The following SHANK2 variants were observed in gnomAD, a reference collection of about 807,000 sequenced individuals.
SHANK2 encodes the protein SH3 and multiple ankyrin repeat domains 2.
A neutral mutation model predicts 133.7 loss-of-function variants in SHANK2; 43 were observed. The observed-to-expected ratio is 0.32, with a 90% confidence interval of 0.25 to 0.41. The LOEUF is 0.41. Among genes scored for constraint, SHANK2 ranks in the 10% least tolerant of loss-of-function variants. The pLI is 1.00. For missense variants in SHANK2, 1,994 were observed against 2,235.8 expected, an observed-to-expected ratio of 0.89 and a Z score of 2.18; for synonymous variants, 1,017 against 952.8, an observed-to-expected ratio of 1.07 and a Z score of -1.24.
intron 11 of SHANK2, among the ~76,000 whole-genome samples, chr11:70,874,793 C>A (rs146786491): frequency 4.6e-5 from 7 of 151,770 alleles, no homozygotes; most frequent in African/African-American, 1.7e-4. Flanking sequence ...TGAAGGAACA[C>A]GAGTTCACTT....
chr11:70,500,845 G>A lies in SHANK2; in HGVS notation c.2288-255C>T, dbSNP rs1214293925. Reference sequence around the variant, plus strand: ...ACCTACTGCCTGGCAGTGGAAAGGGGCTTTCCTTCTTCCTCAGCACCCCTT... The same window carrying A: ...ACCTACTGCCTGGCAGTGGAAAGGGACTTTCCTTCTTCCTCAGCACCCCTT... On this transcript the variant is annotated intron_variant, in intron 20 of 25. Transcript: ENST00000601538. The surrounding 1 kb of genome is among the most constrained non-coding windows in gnomAD (Gnocchi z 4.5). 24 of 706,006 alleles carry A rather than the reference G, an allele frequency of 3.4e-5. No individual in the cohort carries two copies. Among genetic ancestry groups the A allele is most frequent in the Admixed American group, 3.2e-4 (16 of 49,392 alleles). 43.7% of individuals were successfully genotyped at this position (706,006 alleles called of 1,614,324 possible). A position where few individuals can be genotyped will look rare whatever the true frequency, so the allele number is the denominator to read the frequency against.
chr11:70,699,637 T>C (rs868978293), intron 14 of SHANK2, among the ~76,000 whole-genome samples: 40 of 152,322 alleles, frequency 2.6e-4, no homozygotes, highest in Admixed American at 1.6e-3. Flanking sequence ...CATTTTTTCT[T>C]CCACTCAAAC....
intron 14 of SHANK2, among the ~76,000 whole-genome samples, chr11:70,764,957 C>T (rs972611507): frequency 8.5e-5 from 13 of 152,194 alleles, no homozygotes; most frequent in Non-Finnish European, 1.0e-4. Context: ...GCCCCTCTCC[C>T]AACAGATTCT....
intron 10 of SHANK2, among the ~76,000 whole-genome samples, chr11:70,946,854 C>T (rs1168296412): frequency 2.0e-5 from 3 of 147,462 alleles, no homozygotes; most frequent in Non-Finnish European, 4.5e-5. Context: ...GGCTCATCCT[C>T]CCTCTCCACT....
At chr11:70,874,506 T>C (rs1475881904) in intron 11 of SHANK2, among the ~76,000 whole-genome samples, 2 of 152,116 alleles carry the variant, frequency 1.3e-5, no homozygotes, top group African/African-American at 2.4e-5. Context: ...TTCCTCTGTA[T>C]GGCAAAATTA....
chr11:70,849,170 A>C (rs1446036785), intron 11 of SHANK2, among the ~76,000 whole-genome samples: 3 of 152,160 alleles, frequency 2.0e-5, no homozygotes, highest in Admixed American at 6.5e-5. Flanking sequence ...ACCCATAGGC[A>C]GGGTGTGAGG....
At chr11:70,933,471 C>T (rs571577420) in intron 10 of SHANK2, among the ~76,000 whole-genome samples, 2 of 152,312 alleles carry the variant, frequency 1.3e-5, no homozygotes, top group South Asian at 4.1e-4. Context: ...CACTTAATGC[C>T]ACTGAAGGGC....
intron 1 of SHANK2, among the ~76,000 whole-genome samples, chr11:71,230,074 G>A (rs1555122769): frequency 6.6e-6 from 1 of 152,144 alleles, no homozygotes; most frequent in East Asian, 1.9e-4. Context: ...GATCACTTGA[G>A]GTTAGGAGCT....
intron 10 of SHANK2, among the ~76,000 whole-genome samples, chr11:70,948,974 G>A (rs1197608098): frequency 6.6e-6 from 1 of 152,024 alleles, no homozygotes; most frequent in Non-Finnish European, 1.5e-5. Context: ...TTTACACTAC[G>A]GCTCATTCTA....
chr11:70,801,064 C>G (rs140338538), intron 13 of SHANK2, among the ~76,000 whole-genome samples: 37 of 152,318 alleles, frequency 2.4e-4, no homozygotes, highest in African/African-American at 8.7e-4. Flanking sequence ...ACAATACTAT[C>G]TAGCTCATAA....
chr11:70,751,061 T>G (rs1413988960), intron 14 of SHANK2, among the ~76,000 whole-genome samples: 1 of 151,744 alleles, frequency 6.6e-6, no homozygotes, highest in Admixed American at 6.6e-5. Context: ...TTACTAGATG[T>G]GTCAAAAGCA....
At chr11:71,224,507 C>T (rs1355105094) in intron 2 of SHANK2, among the ~76,000 whole-genome samples, 190 bp downstream of exon 2, 1 of 152,194 alleles carries the variant, frequency 6.6e-6, no homozygotes, top group Non-Finnish European at 1.5e-5. Context: ...CGCAAGGTCA[C>T]ACAAGCGGGC....
Position 70,706,469 on chromosome 11 carries a change from AGGGGACACAGCCCTGGCT to A in SHANK2, c.1778-7724_1778-7707del, listed in dbSNP as rs1219791033. Among the ~76,000 whole-genome samples, 17 of 152,294 alleles carry A rather than the reference AGGGGACACAGCCCTGGCT, an allele frequency of 1.1e-4. No individual in the cohort carries two copies. The East Asian group carries it at 2.9e-3, about 26-fold the overall frequency. Reference sequence around the variant, plus strand: ...AGCTCCAGCTGGGGATTGCCGAGGCAGGGGACACAGCCCTGGCTGGGGCAGTGGCTGGCTGTGACCTCC... The same window carrying A: ...AGCTCCAGCTGGGGATTGCCGAGGCAGGGGCAGTGGCTGGCTGTGACCTCC... On this transcript the variant is annotated intron_variant, in intron 14 of 25. Transcript: ENST00000601538.
At position 71,091,994 on chromosome 11, in the gene SHANK2, C is replaced by A. The variant is rs549975618; in HGVS notation, c.912+428G>T. On this transcript the variant is annotated intron_variant, in intron 8 of 25. Coordinates refer to ENST00000601538, the MANE Select transcript of SHANK2 (RefSeq NM_012309.5). ...GCAAGGTTGGGCCTGAAAAACACGC[C>A]CCTCGTGCGTGCAAATCAGGACTTC... 2.6e-5 allele frequency among the ~76,000 whole-genome samples: 4 copies of A among 152,316 alleles called. No homozygotes were observed. In the East Asian group the frequency reaches 7.7e-4, roughly 29 times the overall value.
At chr11:70,783,913 G>A (rs540270326) in intron 14 of SHANK2, among the ~76,000 whole-genome samples, 45 of 152,340 alleles carry the variant, frequency 3.0e-4, no homozygotes, top group Non-Finnish European at 5.4e-4. Context: ...GGTCTGACCT[G>A]CAAGGTCATC....
intron 6 of SHANK2, among the ~76,000 whole-genome samples, chr11:71,099,188 G>A (rs1325239903): frequency 2.0e-5 from 3 of 152,134 alleles, no homozygotes; most frequent in African/African-American, 7.2e-5. Flanking sequence ...CCACCAAGAG[G>A]TGCCCAGGGA....
At chr11:70,597,351 CA>C (rs1431731122) in intron 17 of SHANK2, among the ~76,000 whole-genome samples, 1 of 152,154 alleles carries the variant, frequency 6.6e-6, no homozygotes, top group African/African-American at 2.4e-5. Context: ...TTAGTAGACA[CA>C]GGAAACCTGG....
chr11:71,230,462 G>A (rs537989361), intron 1 of SHANK2, among the ~76,000 whole-genome samples: 4 of 152,054 alleles, frequency 2.6e-5, no homozygotes, highest in Admixed American at 6.5e-5. Context: ...CTAGCTACTC[G>A]GGAGGCTGAG....
intron 9 of SHANK2, among the ~76,000 whole-genome samples, chr11:71,067,931 A>G (rs1408090846): frequency 1.3e-5 from 2 of 151,448 alleles, no homozygotes; most frequent in African/African-American, 4.9e-5. Context: ...CAGCATCACC[A>G]CCATCACCAT....
Sources: gnomAD v4.1 joint callset for allele counts (sites outside exome capture counted in the v4.1 genomes callset) on GRCh38, gnomAD v4.1.1 for gene constraint, Gnocchi (gnomAD v3.1) non-coding constraint, MANE v1.5 for transcripts, NCBI Gene and HGNC (gene_info 2026-07-23, HGNC 2026-07-21) for gene names.